NRXN3: variants seen among roughly 807,000 people sequenced by gnomAD.
The protein encoded by NRXN3 is neurexin III.
In NRXN3, 32 loss-of-function variants were observed where a neutral mutation model predicts 137.6. The observed-to-expected ratio is 0.23, with a 90% CI of 0.18 to 0.31. NRXN3 has a LOEUF of 0.31. Ranked by LOEUF, NRXN3 falls within the 10% of genes least tolerant of loss-of-function variation. The probability of loss-of-function intolerance (pLI) is 1.00; values close to 1 mark genes in which losing one functional copy is unlikely to be tolerated. For synonymous variants in NRXN3, 798 were observed against 784.5 expected (o/e 1.02, Z -0.29); for missense variants, 1,574 against 2,062.5 (o/e 0.76, Z 4.59).
At chr14:79,332,947 T>G (rs2091891541) in intron 15 of NRXN3, among the ~76,000 whole-genome samples, 1 of 152,144 alleles carries the variant, frequency 6.6e-6, no homozygotes, top group Non-Finnish European at 1.5e-5. Context: ...TAACGTTGTA[T>G]CCCAAAGTAG....
intron 15 of NRXN3, among the ~76,000 whole-genome samples, chr14:79,068,378 C>T (rs1012741311): frequency 6.6e-6 from 1 of 151,842 alleles, no homozygotes; most frequent in Non-Finnish European, 1.5e-5. Context: ...AGACTGAGAC[C>T]CTCAATGTTA....
intron 15 of NRXN3, among the ~76,000 whole-genome samples, chr14:79,372,304 A>C (rs1220414765): frequency 1.3e-5 from 2 of 152,200 alleles, no homozygotes; most frequent in African/African-American, 2.4e-5. Context: ...ATTTCGGCAC[A>C]CAGGGTCTCT....
At chr14:78,606,836 C>G (rs1023702765) in intron 4 of NRXN3, among the ~76,000 whole-genome samples, 3 of 152,064 alleles carry the variant, frequency 2.0e-5, no homozygotes, top group African/African-American at 4.8e-5. Context: ...ATGGAGTAAG[C>G]GTTTATTGGG....
intron 15 of NRXN3, among the ~76,000 whole-genome samples, chr14:79,136,824 C>G (rs1596365103): frequency 6.6e-6 from 1 of 152,128 alleles, no homozygotes; most frequent in South Asian, 2.1e-4. Context: ...AAACACAAAC[C>G]ACAACAATGG....
chr14:78,529,055 A>T (rs1045596527), intron 4 of NRXN3, among the ~76,000 whole-genome samples: 7 of 152,198 alleles, frequency 4.6e-5, no homozygotes, highest in African/African-American at 1.7e-4. Flanking sequence ...CTTGACTCAC[A>T]GTATCGTTCT....
intron 15 of NRXN3, among the ~76,000 whole-genome samples, chr14:79,073,474 C>T (rs1327470642): frequency 6.6e-6 from 1 of 152,106 alleles, no homozygotes; most frequent in Non-Finnish European, 1.5e-5. Flanking sequence ...ATTAAATCAG[C>T]ATTTTCCTCC....
At chr14:79,269,744 G>A (rs751049632) in intron 15 of NRXN3, among the ~76,000 whole-genome samples, 1 of 152,070 alleles carries the variant, frequency 6.6e-6, no homozygotes, top group Non-Finnish European at 1.5e-5. Flanking sequence ...TTTCACCAGA[G>A]GAAAATGCCC....
chr14:78,394,425 A>G (rs1253001483), intron 4 of NRXN3, among the ~76,000 whole-genome samples: 1 of 151,928 alleles, frequency 6.6e-6, no homozygotes, highest in Admixed American at 6.6e-5. Flanking sequence ...AGTATACCCC[A>G]GTTGGTCATG....
At chr14:78,803,221 A>C (rs900363168) in intron 8 of NRXN3, among the ~76,000 whole-genome samples, 12 of 152,178 alleles carry the variant, frequency 7.9e-5, no homozygotes, top group Non-Finnish European at 1.8e-4. Context: ...CCTATTCTTC[A>C]TGAAATACAG....
At chr14:79,372,395 A>G (rs774251755) in intron 15 of NRXN3, among the ~76,000 whole-genome samples, 3 of 152,168 alleles carry the variant, frequency 2.0e-5, no homozygotes, top group Non-Finnish European at 2.9e-5. Context: ...CCCTGATACA[A>G]TAAAAATAAT....
intron 20 of NRXN3, among the ~76,000 whole-genome samples, chr14:79,846,163 G>GAA (rs1266570514): frequency 6.6e-6 from 1 of 152,198 alleles, no homozygotes; most frequent in Admixed American, 6.5e-5. Flanking sequence ...CAGGCAGGTA[G>GAA]AAAAATGGTG....
chr14:78,706,861 TTGATTCTCTCCTGG>T (rs1202628203), intron 6 of NRXN3, among the ~76,000 whole-genome samples: 1 of 152,232 alleles, frequency 6.6e-6, no homozygotes, highest in Admixed American at 6.5e-5. Context: ...ACAGCTTTGC[TTGATTCTCTCCTGG>T]TGATGAGAGA....
chr14:79,241,138 T>C (rs1431445854), intron 15 of NRXN3, among the ~76,000 whole-genome samples: 2 of 152,094 alleles, frequency 1.3e-5, no homozygotes, highest in Admixed American at 1.3e-4. Flanking sequence ...TTATGGTTGG[T>C]AGTGTCACAT....
intron 17 of NRXN3, among the ~76,000 whole-genome samples, chr14:79,667,271 C>A (rs1369717346): frequency 6.6e-6 from 1 of 151,972 alleles, no homozygotes; most frequent in Non-Finnish European, 1.5e-5. Context: ...GTTTAGAAAT[C>A]ATCAAGGGTT....
At chr14:79,534,461 A>T (rs74068005) in intron 16 of NRXN3, among the ~76,000 whole-genome samples, 4,282 of 152,250 alleles carry the variant, frequency 0.028, 214 homozygotes, top group African/African-American at 0.098. Context: ...TCTATAGAAC[A>T]AATAAACGAA....
chr14:78,923,403 AAGG>A (rs1284730881), intron 10 of NRXN3, among the ~76,000 whole-genome samples: 1 of 152,238 alleles, frequency 6.6e-6, no homozygotes, highest in African/African-American at 2.4e-5. Flanking sequence ...GAAATGAAAA[AAGG>A]AGGTTGGCAA....
At chr14:78,961,043 T>A (rs2099407236) in intron 11 of NRXN3, among the ~76,000 whole-genome samples, 1 of 151,078 alleles carries the variant, frequency 6.6e-6, no homozygotes, top group African/African-American at 2.4e-5. Flanking sequence ...TTCCAGAAAC[T>A]TTTTTTACTG....
chr14:78,851,419 A>G (rs73321604), intron 10 of NRXN3, among the ~76,000 whole-genome samples: 17,507 of 152,258 alleles, frequency 0.11, 1,460 homozygotes, highest in East Asian at 0.26. Context: ...GCCTGAGTGC[A>G]TCACTCGTAA....
In NRXN3 at chr14:79,747,390, T is replaced by C. The variant is rs189550664; in HGVS notation, c.4014+49453T>C. On this transcript the variant is annotated intron_variant, in intron 19 of 20. Coordinates refer to ENST00000335750, the MANE Select transcript of NRXN3 (RefSeq NM_001330195.2). ...TGATGGCTGTTGGAAAAAAGTAGAT[T>C]GGAAGAAGCAAGAAAATGCTAGGTT... Among the ~76,000 whole-genome samples, 171 of 152,188 alleles carry C rather than the reference T, an allele frequency of 1.1e-3. 2 individuals are homozygous for C. The highest frequency in any genetic ancestry group is 1.9e-3 in the South Asian group (9 of 4,810).
Sources: gnomAD v4.1 joint callset for allele counts (sites outside exome capture counted in the v4.1 genomes callset) on GRCh38, gnomAD v4.1.1 for gene constraint, MANE v1.5 for transcripts, NCBI Gene and HGNC (gene_info 2026-07-23, HGNC 2026-07-21) for gene names.